Variants in SGCD observed in about 807,000 individuals in gnomAD.
SGCD encodes delta-sarcoglycan.
SGCD carries 18 observed loss-of-function variants against 36.6 expected under a neutral mutation model. The observed-to-expected ratio is 0.49, with a 90% CI of 0.34 to 0.73. The LOEUF is 0.73. SGCD is among the 30% of genes least tolerant of loss of function. SGCD has a pLI of 0.01. For missense variants in SGCD, 387 were observed against 346.7 expected (o/e 1.12, Z -0.92); for synonymous variants, 133 against 130.6 (o/e 1.02, Z -0.12).
intron 1 of SGCD, among the ~76,000 whole-genome samples, chr5:155,925,694 C>T (rs1756982218): frequency 6.6e-6 from 1 of 152,184 alleles, no homozygotes; most frequent in South Asian, 2.1e-4. Flanking sequence ...CAGCTTACTG[C>T]AGCCTCAAAC....
chr5:156,282,597 T>C (rs911287500), intron 3 of SGCD, among the ~76,000 whole-genome samples: 20 of 152,218 alleles, frequency 1.3e-4, no homozygotes, highest in African/African-American at 4.3e-4. Flanking sequence ...GAAACATGGC[T>C]CAACCAGTTG....
chr5:156,401,202 T>C (rs1343574726), intron 3 of SGCD, among the ~76,000 whole-genome samples: 1 of 152,196 alleles, frequency 6.6e-6, no homozygotes, highest in Non-Finnish European at 1.5e-5. Flanking sequence ...GTTAGTCCTA[T>C]TAAAGCAGCT....
At chr5:155,729,904 G>T in the SGCD span, among the ~76,000 whole-genome samples, 1 of 152,190 alleles carries the variant, frequency 6.6e-6, no homozygotes, top group Non-Finnish European at 1.5e-5. Flanking sequence ...CTTGAGCCAT[G>T]GCCTTCCCCA....
intron 4 of SGCD, among the ~76,000 whole-genome samples, chr5:156,585,746 A>G (rs1456763440): frequency 6.6e-6 from 1 of 152,192 alleles, no homozygotes. Context: ...AAGTGAAATC[A>G]TGTGTTCACA....
the SGCD span, among the ~76,000 whole-genome samples, chr5:155,756,963 A>G: frequency 1.3e-5 from 2 of 152,222 alleles, no homozygotes; most frequent in African/African-American, 2.4e-5. Flanking sequence ...GATAAATACC[A>G]GGGTTGGGTG....
the SGCD span, among the ~76,000 whole-genome samples, chr5:155,833,892 A>G: frequency 6.6e-6 from 1 of 152,222 alleles, no homozygotes; most frequent in African/African-American, 2.4e-5. Flanking sequence ...TACAGAATGC[A>G]AAATGATTAA....
At chr5:156,110,461 T>C (rs1761756409) in intron 1 of SGCD, among the ~76,000 whole-genome samples, 2 of 152,128 alleles carry the variant, frequency 1.3e-5, no homozygotes, top group Admixed American at 1.3e-4. Context: ...ATTAGAAACC[T>C]ATTTTTCACT....
chr5:156,454,005 A>G (rs1227305201), intron 3 of SGCD, among the ~76,000 whole-genome samples: 1 of 152,222 alleles, frequency 6.6e-6, no homozygotes, highest in Non-Finnish European at 1.5e-5. Context: ...TGTTGGAGTT[A>G]GAAGTGTTCT....
chr5:156,718,720 G>A (rs1220796221), intron 7 of SGCD, among the ~76,000 whole-genome samples: 1 of 151,346 alleles, frequency 6.6e-6, no homozygotes, highest in Non-Finnish European at 1.5e-5. Context: ...TATAATACCA[G>A]CACTTTGGGA....
chr5:156,000,746 G>T (rs2127567823), intron 1 of SGCD, among the ~76,000 whole-genome samples: 1 of 151,938 alleles, frequency 6.6e-6, no homozygotes, highest in East Asian at 1.9e-4. Flanking sequence ...ACTTGAGGAG[G>T]AATCAATGAC....
intron 1 of SGCD, among the ~76,000 whole-genome samples, chr5:155,886,256 G>A (rs1755995583): frequency 6.6e-6 from 1 of 152,074 alleles, no homozygotes; most frequent in Non-Finnish European, 1.5e-5. Context: ...GTCTTATAAG[G>A]GACTGGAATG....
chr5:155,789,818 G>A, the SGCD span, among the ~76,000 whole-genome samples: 1 of 152,066 alleles, frequency 6.6e-6, no homozygotes, highest in Non-Finnish European at 1.5e-5. Flanking sequence ...GTTGGTAGAA[G>A]TTAAATTATT....
chr5:156,006,318 T>C (rs1172084828), intron 1 of SGCD, among the ~76,000 whole-genome samples: 1 of 152,222 alleles, frequency 6.6e-6, no homozygotes, highest in African/African-American at 2.4e-5. Flanking sequence ...TTGAATTCAG[T>C]ACCAAAGTCA....
At chr5:156,176,885 G>A (rs1763487279) in intron 3 of SGCD, among the ~76,000 whole-genome samples, 1 of 151,998 alleles carries the variant, frequency 6.6e-6, no homozygotes, top group East Asian at 1.9e-4. Flanking sequence ...TCAGGGATGA[G>A]GATTTTTAAA....
At chr5:155,921,897 A>G (rs1236889449) in intron 1 of SGCD, among the ~76,000 whole-genome samples, 1 of 152,224 alleles carries the variant, frequency 6.6e-6, no homozygotes, top group Non-Finnish European at 1.5e-5. Flanking sequence ...TATCTCGGCT[A>G]GAGTAATTCA....
At chr5:156,005,361 C>T (rs1561679863) in intron 1 of SGCD, among the ~76,000 whole-genome samples, 3 of 152,120 alleles carry the variant, frequency 2.0e-5, no homozygotes, top group Admixed American at 6.5e-5. Flanking sequence ...TTGAGAAAGA[C>T]GGCAAAGGAG....
intron 6 of SGCD, among the ~76,000 whole-genome samples, chr5:156,613,496 G>A (rs1380850581): frequency 6.6e-6 from 1 of 152,198 alleles, no homozygotes; most frequent in Non-Finnish European, 1.5e-5. Context: ...GTATTCTCCA[G>A]TTGGACCTTA....
At chr5:156,647,417 G>A (rs1005711488) in intron 6 of SGCD, 47 bp from the exon 7 acceptor site, 10 of 1,325,714 alleles carry the variant, frequency 7.5e-6, no homozygotes, top group Non-Finnish European at 1.1e-5. Context: ...GCCTACAGGT[G>A]ACTCCAGTAT....
At chr5:156,234,603 G>T (rs573056592) in intron 3 of SGCD, among the ~76,000 whole-genome samples, 1 of 152,292 alleles carries the variant, frequency 6.6e-6, no homozygotes, top group South Asian at 2.1e-4. Context: ...ATGGGAGCAT[G>T]GCACTAGGGT....
Sources: gnomAD v4.1 joint callset for allele counts (sites outside exome capture counted in the v4.1 genomes callset) on GRCh38, gnomAD v4.1.1 for gene constraint, MANE v1.5 for transcripts, NCBI Gene and HGNC (gene_info 2026-07-23, HGNC 2026-07-21) for gene names.